The following CPOX variants were observed in gnomAD, a reference collection of about 807,000 sequenced individuals.
CPOX encodes the protein coproporphyrinogen oxidase.
A neutral mutation model predicts 48.9 loss-of-function variants in CPOX; 24 were observed. The observed-to-expected ratio is 0.49, with a 90% CI of 0.36 to 0.69. CPOX has a LOEUF of 0.69. Among genes scored for constraint, CPOX ranks in the 30% least tolerant of loss-of-function variants. The pLI, the probability that CPOX is intolerant of heterozygous loss-of-function variation, is 0.00. For missense variants in CPOX, 549 were observed against 597.3 expected, an observed-to-expected ratio of 0.92 and a Z score of 0.84; for synonymous variants, 249 against 234.6, an observed-to-expected ratio of 1.06 and a Z score of -0.56.
intron 4 of CPOX, 108 bp from the exon 5 acceptor site, chr3:98,585,767 G>A (rs955821703): frequency 2.3e-6 from 2 of 876,154 alleles, no homozygotes; most frequent in African/African-American, 1.7e-5. Context: ...ATGTCAGGAT[G>A]GTGTCCTTAC....
At position 98,584,246 on chromosome 3, in the gene CPOX, T is replaced by C. The variant is rs1707314608; in HGVS notation, c.1172+1195A>G. On this transcript the variant is annotated intron_variant, in intron 5 of 6. Transcript: ENST00000647941. ...TGGGTATGTCTTCCCCACTAAACTA[T>C]GAGGTTCTTTTTGGCAGGTCCATGT... Among the ~76,000 whole-genome samples, 4 of 152,154 alleles carry C rather than the reference T, an allele frequency of 2.6e-5. No individual in the cohort carries two copies. In the South Asian group the frequency reaches 8.3e-4, roughly 32 times the overall value.
In CPOX at chr3:98,584,067, A is replaced by G. The variant is rs562325896; in HGVS notation, c.1172+1374T>C. 9.1e-4 allele frequency among the ~76,000 whole-genome samples: 139 copies of G among 151,946 alleles called. 2 individuals carry two copies. The Middle Eastern group carries it at 0.024, about 26-fold the overall frequency. On this transcript the variant is annotated intron_variant, in intron 5 of 6. Coordinates refer to ENST00000647941, the MANE Select transcript of CPOX (RefSeq NM_000097.7). ...TCTGCCATCAAACGATGTATAAAAA[A>G]CAAAACAAAACCGCAAAACAAACCA...
rs766132584 is a variant in CPOX, at chr3:98,580,059, AG to A, written c.*623del. The A allele has an allele frequency of 3.1e-6, 3 of 982,596 alleles. No individual in the cohort carries two copies. The highest frequency in any genetic ancestry group is 3.6e-6 in the Non-Finnish European group (3 of 827,214). 60.9% of individuals were successfully genotyped at this position (982,596 alleles called of 1,614,324 possible). ...TAAAATAATAGTAATGTCACTTTAG[AG>A]TTTACAAACTACAGAAATAACTGAA... On this transcript the variant is annotated 3_prime_UTR_variant, in exon 7 of 7. Transcript: ENST00000647941.
intron 6 of CPOX, 96 bp downstream of exon 6, chr3:98,581,311 C>A: frequency 1.1e-6 from 1 of 907,154 alleles, no homozygotes; most frequent in Non-Finnish European, 1.8e-6. Flanking sequence ...CTAACAAAGA[C>A]CTAGGCACAA....
At chr3:98,585,753 A>T in intron 4 of CPOX, 94 bp from the exon 5 acceptor site, 1 of 953,166 alleles carries the variant, frequency 1.0e-6, no homozygotes, top group South Asian at 1.3e-5. Context: ...ACTATCCTCA[A>T]CTAATGTCAG....
downstream of CPOX, among the ~76,000 whole-genome samples, chr3:98,575,003 T>C (rs1047931735): frequency 6.6e-6 from 1 of 152,212 alleles, no homozygotes; most frequent in African/African-American, 2.4e-5. Flanking sequence ...TAGAAGAATG[T>C]CAAGCAGCAG....
intron 5 of CPOX, among the ~76,000 whole-genome samples, chr3:98,583,905 A>G (rs1325566420): frequency 6.6e-6 from 1 of 152,214 alleles, no homozygotes; most frequent in African/African-American, 2.4e-5. Flanking sequence ...AGGACCAGAG[A>G]TAAGGGAGGC....
chr3:98,593,275 C>G lies in CPOX; in HGVS notation c.230G>C (p.Gly77Ala), dbSNP rs1030428547. Reference protein sequence around the residue: ...TSRGGPWVGTGLAAALAGLVG... With the variant: ...TSRGGPWVGTALAAALAGLVG... ...CAACCCCGCCAGCGCCGCGGCCAGC[C>G]CTGTCCCCACCCAGGGGCCGCCTCT... Residue 77 changes from glycine (G) to alanine (A), a missense_variant, in exon 1 of 7, where the codon GGG becomes GCG. This residue lies in a region of CPOX where 336 missense variants were observed against 318.1 expected (regional missense o/e 1.06). Transcript: ENST00000647941. 6 of 1,476,562 alleles carry G rather than the reference C, an allele frequency of 4.1e-6. No homozygotes were observed. Among genetic ancestry groups the G allele is most frequent in the South Asian group, 1.4e-5 (1 of 71,380 alleles). The allele number at this position is 1,476,562 out of a possible 1,614,324, so 91.5% of individuals were successfully genotyped here. A position where few individuals can be genotyped will look rare whatever the true frequency, so the allele number is the denominator to read the frequency against.
chr3:98,574,816 TGA>T, downstream of CPOX, among the ~76,000 whole-genome samples: 1 of 152,174 alleles, frequency 6.6e-6, no homozygotes, highest in Non-Finnish European at 1.5e-5. Flanking sequence ...TGACCTCAGG[TGA>T]TCCACCCACC....
At chr3:98,587,496 G>A (rs780675997) in intron 4 of CPOX, among the ~76,000 whole-genome samples, 34 of 148,478 alleles carry the variant, frequency 2.3e-4, no homozygotes, top group Admixed American at 2.0e-4. Context: ...TGTTCTTGCC[G>A]GTGGGGTCTC....
chr3:98,585,095 G>T (rs575734733), intron 5 of CPOX, among the ~76,000 whole-genome samples: 4 of 152,268 alleles, frequency 2.6e-5, no homozygotes, highest in South Asian at 2.1e-4. Flanking sequence ...ATGAAAAAAG[G>T]TGTGATTCCA....
chr3:98,577,388 C>G (rs538739919), downstream of CPOX, among the ~76,000 whole-genome samples: 7 of 152,120 alleles, frequency 4.6e-5, no homozygotes, highest in South Asian at 1.5e-3. Context: ...TGCCCAGAGG[C>G]AGGGAGAGCA....
Position 98,593,175 on chromosome 3 carries a change from G to A in CPOX, c.330C>T (p.Ala110=). The A allele has an allele frequency of 6.2e-7, 1 of 1,610,040 alleles. No homozygotes were observed. Among genetic ancestry groups the A allele is most frequent in the East Asian group, 2.2e-5 (1 of 44,838 alleles). Residue 110 remains alanine (A), a synonymous_variant, in exon 1 of 7, where the codon GCC becomes GCT. Transcript: ENST00000647941. Reference sequence around the variant, plus strand: ...CCTCCTCCGGCCTCCCCAGCGAAGTGGCCCGCGTCCCCGAGGTCTTAGGCA... The same window carrying A: ...CCTCCTCCGGCCTCCCCAGCGAAGTAGCCCGCGTCCCCGAGGTCTTAGGCA... ...EMLPKTSGTR[A]TSLGRPEEEE...
Position 98,591,992 on chromosome 3 carries a change from G to T in CPOX, c.557-837C>A, listed in dbSNP as rs1297660128. 6.1e-3 allele frequency among the ~76,000 whole-genome samples: 906 copies of T among 148,044 alleles called. 5 individuals carry two copies. Among genetic ancestry groups the T allele is most frequent in the African/African-American group, 0.02 (828 of 40,428 alleles). On this transcript the variant is annotated intron_variant, in intron 1 of 6. Coordinates refer to ENST00000647941, the MANE Select transcript of CPOX (RefSeq NM_000097.7). ...ATATATATATATATATATGTATATGGATATATATATATATATATGTAGTAT... is the reference window on the plus strand; with the variant it reads ...ATATATATATATATATATGTATATGTATATATATATATATATATGTAGTAT...
At chr3:98,575,139 T>C (rs532022920), downstream of CPOX, among the ~76,000 whole-genome samples, 43 of 152,234 alleles carry the variant, frequency 2.8e-4, no homozygotes, top group Non-Finnish European at 6.0e-4. Context: ...ATTCACTTGC[T>C]ATTACATAAG....
At chr3:98,585,410 C>T (rs1276196452) in intron 5 of CPOX, 31 bp downstream of exon 5, 1 of 1,575,174 alleles carries the variant, frequency 6.3e-7, no homozygotes, top group Non-Finnish European at 8.7e-7. Context: ...CCCCACTTAG[C>T]CATGAAAGAA....
chr3:98,588,395 T>C (rs1707407870), intron 4 of CPOX, among the ~76,000 whole-genome samples: 1 of 152,192 alleles, frequency 6.6e-6, no homozygotes, highest in African/African-American at 2.4e-5. Flanking sequence ...ATAATTCTCA[T>C]CTGGAATAAG....
At position 98,585,497 on chromosome 3, in the gene CPOX, G is replaced by A. The variant is rs1418250410; in HGVS notation, c.1116C>T (p.His372=). ...VPSYIPLVKK[H]CDDSFTPQEK... ...CCTGGGGGGTGAATGAGTCATCACA[G>A]TGCTTTTTCACAAGGGGAATGTAAG... The change falls in exon 5 of 7, where the codon CAC becomes CAT. Residue 372 remains histidine, a synonymous_variant. Transcript: ENST00000647941. 1 of 1,614,084 alleles carries A rather than the reference G, an allele frequency of 6.2e-7. No homozygotes were observed. Among genetic ancestry groups the A allele is most frequent in the Admixed American group, 1.7e-5 (1 of 60,014 alleles).
chr3:98,585,489 T>A lies in CPOX; in HGVS notation c.1124A>T (p.Asp375Val). ...YIPLVKKHCD[D>V]SFTPQEKLWQ... Reference sequence around the variant, plus strand: ...CAGCTTCTCCTGGGGGGTGAATGAGTCATCACAGTGCTTTTTCACAAGGGG... The same window carrying A: ...CAGCTTCTCCTGGGGGGTGAATGAGACATCACAGTGCTTTTTCACAAGGGG... Residue 375 changes from aspartate (D) to valine (V), a missense_variant, in exon 5 of 7, where the codon GAC (aspartate) becomes GTC (valine). Asp to Val is a radical substitution (Grantham distance 152). Around this residue, in one of 2 missense-constraint regions of CPOX, gnomAD observed 213 missense variants for 279.1 expected, o/e 0.76. Coordinates refer to ENST00000647941, the MANE Select transcript of CPOX (RefSeq NM_000097.7). 6.2e-7 allele frequency: 1 copy of A among 1,614,058 alleles called. No homozygotes were observed. The highest frequency in any genetic ancestry group is 8.5e-7 in the Non-Finnish European group (1 of 1,180,024).
Sources: allele counts gnomAD v4.1 joint callset (sites outside exome capture counted in the v4.1 genomes callset), GRCh38; gene constraint gnomAD v4.1.1; regional missense constraint gnomAD v4.1.1; transcripts MANE v1.5; gene names NCBI Gene and HGNC (gene_info 2026-07-23, HGNC 2026-07-21).